The following ABCB5 variants were observed in gnomAD, a reference collection of about 807,000 sequenced individuals.
ABCB5 encodes the protein ATP binding cassette subfamily B member 5.
A neutral mutation model predicts 144.2 loss-of-function variants in ABCB5; 155 were observed. That is an observed-to-expected ratio of 1.08 (90% CI 0.94 to 1.23). ABCB5 has a LOEUF of 1.23. Ranked by LOEUF, ABCB5 falls within the 50% of genes most tolerant of loss-of-function variation. The pLI, the probability that ABCB5 is intolerant of heterozygous loss-of-function variation, is 0.00. For missense variants in ABCB5, 1,830 were observed against 1,520.8 expected (o/e 1.20, Z -3.38); for synonymous variants, 610 against 528.6 (o/e 1.15, Z -2.11).
intron 16 of ABCB5, among the ~76,000 whole-genome samples, chr7:20,692,556 G>T (rs1237616694): frequency 6.6e-6 from 1 of 151,214 alleles, no homozygotes; most frequent in Admixed American, 6.6e-5. Flanking sequence ...GGAATGAAGA[G>T]TATCAGTAAT....
chr7:20,647,601 G>C lies in ABCB5; in HGVS notation c.1048G>C (p.Ala350Pro), dbSNP rs183727655. The C allele has an allele frequency of 1.3e-6, 2 of 1,587,594 alleles. No individual in the cohort carries two copies. The highest frequency in any genetic ancestry group is 1.8e-5 in the Admixed American group (1 of 56,332). ...AGCAGTCCCTCACTTTGAAACCTTC[G>C]CAATAGCCCGAGGAGCTGCCTTTCA... ...GAAVPHFETFAIARGAAFHIF... is the reference protein window; with the variant it reads ...GAAVPHFETFPIARGAAFHIF... Residue 350 changes from alanine to proline, a missense_variant, in exon 10 of 28, where the codon GCA becomes CCA. Transcript: ENST00000404938.
At chr7:20,711,246 T>C (rs779322121) in intron 20 of ABCB5, among the ~76,000 whole-genome samples, 7 of 149,732 alleles carry the variant, frequency 4.7e-5, no homozygotes, top group Non-Finnish European at 8.9e-5. Context: ...ATTTCTGGTC[T>C]CTTCCTTCCT....
At chr7:20,737,258 C>G (rs1261251998) in intron 23 of ABCB5, among the ~76,000 whole-genome samples, 2 of 152,166 alleles carry the variant, frequency 1.3e-5, no homozygotes, top group Non-Finnish European at 2.9e-5. Flanking sequence ...TCAACATAAC[C>G]CTCATCGGCA....
At chr7:20,701,205 C>G (rs569325878) in intron 19 of ABCB5, among the ~76,000 whole-genome samples, 1 of 152,292 alleles carries the variant, frequency 6.6e-6, no homozygotes, top group African/African-American at 2.4e-5. Context: ...CAGCACATAC[C>G]TCTCATGTTA....
intron 12 of ABCB5, 70 bp downstream of exon 12, chr7:20,650,217 T>C: frequency 3.2e-6 from 5 of 1,550,152 alleles, no homozygotes; most frequent in Non-Finnish European, 4.4e-6. Context: ...GGCTGGCAGC[T>C]CTGTAACTTT....
In ABCB5 at chr7:20,727,137, A is replaced by C; in HGVS notation, c.2723A>C (p.His908Pro). Residue 908 changes from histidine to proline, a missense_variant, in exon 22 of 28, where the codon CAC becomes CCC. Coordinates refer to ENST00000404938, the MANE Select transcript of ABCB5 (RefSeq NM_001163941.2). ...QMYEEMLQTQ[H>P]RNTSKKAQII... ...TATGAAGAGATGCTTCAGACTCAAC[A>C]CAGGTGATTATAGATTCATACTGAC... The C allele has an allele frequency of 6.2e-7, 1 of 1,611,840 alleles. No individual in the cohort carries two copies. Among genetic ancestry groups the C allele is most frequent in the Non-Finnish European group, 8.5e-7 (1 of 1,178,588 alleles).
Position 20,728,739 on chromosome 7 carries a change from G to A in ABCB5, c.2867+284G>A, listed in dbSNP as rs193174789. Among the ~76,000 whole-genome samples the A allele has an allele frequency of 2.5e-3, 387 of 152,274 alleles. 1 individual carries two copies. The highest frequency in any genetic ancestry group is 7.7e-3 in the African/African-American group (321 of 41,564). ...ACTGCACTCCAGCCTGGGCAACAAA[G>A]TGAGACTCTGTCTCAAAATAAATAA... On this transcript the variant is annotated intron_variant, in intron 23 of 27. Transcript: ENST00000404938.
At chr7:20,652,307 C>T (rs956402176) in intron 13 of ABCB5, among the ~76,000 whole-genome samples, 2 of 152,262 alleles carry the variant, frequency 1.3e-5, no homozygotes, top group South Asian at 2.1e-4. Flanking sequence ...GTGGCTCACG[C>T]GTGTAATCCC....
intron 14 of ABCB5, among the ~76,000 whole-genome samples, chr7:20,670,771 T>C (rs1440063253): frequency 6.6e-6 from 1 of 152,120 alleles, no homozygotes; most frequent in Non-Finnish European, 1.5e-5. Context: ...TAGGCAGGCG[T>C]GGTGGCACAT....
In ABCB5 at chr7:20,649,538, C is replaced by G. The variant is rs529129963; in HGVS notation, c.1207-484C>G. On this transcript the variant is annotated intron_variant, in intron 11 of 27. Coordinates refer to ENST00000404938, the MANE Select transcript of ABCB5 (RefSeq NM_001163941.2). ...CCCTCATGGGTCACCATGAGCCCACCAAGGTTTCTAATGATAAACTCTCAT... is the reference window on the plus strand; with the variant it reads ...CCCTCATGGGTCACCATGAGCCCACGAAGGTTTCTAATGATAAACTCTCAT... Among the ~76,000 whole-genome samples the G allele has an allele frequency of 2.0e-5, 3 of 152,260 alleles. No homozygotes were observed. The East Asian group carries it at 5.8e-4, about 29-fold the overall frequency.
chr7:20,616,025 C>T (rs1305876495), intron 1 of ABCB5, among the ~76,000 whole-genome samples, 188 bp downstream of exon 1: 2 of 152,154 alleles, frequency 1.3e-5, no homozygotes, highest in South Asian at 4.1e-4. Flanking sequence ...AGCATCCATA[C>T]AATTCATATC....
intron 14 of ABCB5, 52 bp from the exon 15 acceptor site, chr7:20,681,453 G>C (rs1785824203): frequency 1.3e-6 from 2 of 1,595,260 alleles, no homozygotes; most frequent in African/African-American, 1.3e-5. Flanking sequence ...ACAGTGCAAA[G>C]GTTGTTATTT....
chr7:20,751,928 C>G (rs1782942743), intron 26 of ABCB5, among the ~76,000 whole-genome samples: 1 of 152,128 alleles, frequency 6.6e-6, no homozygotes, highest in Non-Finnish European at 1.5e-5. Flanking sequence ...ATTCAGACAC[C>G]CGTCCTTTGC....
intron 1 of ABCB5, among the ~76,000 whole-genome samples, chr7:20,618,832 T>C (rs1022037619): frequency 9.5e-5 from 12 of 126,794 alleles, no homozygotes; most frequent in African/African-American, 3.6e-4. Flanking sequence ...TGGAGTGCAG[T>C]GGCACGATCT....
intron 20 of ABCB5, among the ~76,000 whole-genome samples, chr7:20,710,533 G>C (rs969908526): frequency 6.7e-6 from 1 of 149,020 alleles, no homozygotes; most frequent in African/African-American, 2.5e-5. Flanking sequence ...CTTATCTTAT[G>C]GACAATATAA....
chr7:20,739,171 T>A, intron 24 of ABCB5, 32 bp downstream of exon 24: 4 of 1,530,178 alleles, frequency 2.6e-6, no homozygotes, highest in Non-Finnish European at 3.5e-6. Flanking sequence ...AATGTCCAAA[T>A]AAAGATGGCA....
At chr7:20,694,219 A>T (rs1381681900) in intron 16 of ABCB5, among the ~76,000 whole-genome samples, 1 of 152,020 alleles carries the variant, frequency 6.6e-6, no homozygotes, top group Non-Finnish European at 1.5e-5. Context: ...TAGACGAAAG[A>T]ATTCTTAACA....
intron 26 of ABCB5, among the ~76,000 whole-genome samples, chr7:20,752,125 G>C (rs1311580084): frequency 6.6e-6 from 1 of 152,160 alleles, no homozygotes; most frequent in Admixed American, 6.5e-5. Context: ...AACACAAAAT[G>C]AACAGCTAGG....
At chr7:20,730,610 A>G (rs1377033013) in intron 23 of ABCB5, among the ~76,000 whole-genome samples, 1 of 152,204 alleles carries the variant, frequency 6.6e-6, no homozygotes, top group African/African-American at 2.4e-5. Flanking sequence ...GAATTTATAA[A>G]CCACAATTAT....
Sources: gnomAD v4.1 joint callset for allele counts (sites outside exome capture counted in the v4.1 genomes callset) on GRCh38, gnomAD v4.1.1 for gene constraint, MANE v1.5 for transcripts, NCBI Gene and HGNC (gene_info 2026-07-23, HGNC 2026-07-21) for gene names.